Variants in EPHA6 observed in about 807,000 individuals in gnomAD.
EPHA6 encodes the protein ephrin type-A receptor 6.
A neutral mutation model predicts 112.0 loss-of-function variants in EPHA6; 50 were observed. The ratio of observed to expected loss-of-function variants is 0.45; its 90% CI spans 0.36 to 0.56. The LOEUF is 0.56. EPHA6 is among the 20% of genes least tolerant of loss of function. EPHA6 has a pLI of 0.00. For missense variants in EPHA6, 1,280 were observed against 1,417.4 expected (o/e 0.90, Z 1.56); for synonymous variants, 529 against 490.7 (o/e 1.08, Z -1.03).
At chr3:97,108,725 A>T in intron 3 of EPHA6, among the ~76,000 whole-genome samples, 1 of 152,162 alleles carries the variant, frequency 6.6e-6, no homozygotes, top group Non-Finnish European at 1.5e-5. Flanking sequence ...TGGACAAGGT[A>T]AACATTAACA....
At chr3:97,493,211 T>C (rs1303654811) in intron 10 of EPHA6, among the ~76,000 whole-genome samples, 2 of 152,120 alleles carry the variant, frequency 1.3e-5, no homozygotes, top group East Asian at 3.8e-4. Flanking sequence ...TGTATGTGTG[T>C]GTGTGTGTAT....
chr3:97,622,559 G>A (rs2093822653), intron 13 of EPHA6, among the ~76,000 whole-genome samples: 1 of 151,768 alleles, frequency 6.6e-6, no homozygotes, highest in African/African-American at 2.4e-5. Context: ...TGTGAGAATA[G>A]ATGCACTTTG....
At chr3:96,986,356 G>T (rs1305003001) in intron 2 of EPHA6, among the ~76,000 whole-genome samples, 1 of 152,110 alleles carries the variant, frequency 6.6e-6, no homozygotes, top group Non-Finnish European at 1.5e-5. Flanking sequence ...GGCTTAAAAT[G>T]CTTAATAAAG....
chr3:97,262,621 CTT>C (rs1165725458), intron 5 of EPHA6, among the ~76,000 whole-genome samples: 1 of 152,164 alleles, frequency 6.6e-6, no homozygotes, highest in Non-Finnish European at 1.5e-5. Flanking sequence ...TCTTTCAGGT[CTT>C]TGCTCAAAGT....
At chr3:97,377,878 GGAAAGAGAGCATAAAA>G (rs1418366921) in intron 5 of EPHA6, among the ~76,000 whole-genome samples, 8 of 151,966 alleles carry the variant, frequency 5.3e-5, no homozygotes, top group Non-Finnish European at 1.2e-4. Context: ...ACTTTAAAAG[GGAAAGAGAGCATAAAA>G]GTTTGGAAAA....
chr3:97,498,751 C>T (rs1280865831), intron 10 of EPHA6, among the ~76,000 whole-genome samples: 1 of 152,122 alleles, frequency 6.6e-6, no homozygotes, highest in Non-Finnish European at 1.5e-5. Context: ...AGAACAAACC[C>T]TATTGTGAAT....
chr3:97,155,063 G>A (rs946543414), intron 3 of EPHA6, among the ~76,000 whole-genome samples: 1 of 151,818 alleles, frequency 6.6e-6, no homozygotes, highest in Admixed American at 6.6e-5. Flanking sequence ...ATTATGTGGG[G>A]TTTTTTTGCA....
chr3:97,123,610 G>A (rs557900705), intron 3 of EPHA6, among the ~76,000 whole-genome samples: 1 of 152,222 alleles, frequency 6.6e-6, no homozygotes, highest in African/African-American at 2.4e-5. Context: ...TAAGTTAATA[G>A]AGAAAATAGT....
At chr3:97,492,745 T>A (rs779323329) in intron 10 of EPHA6, among the ~76,000 whole-genome samples, 1 of 151,784 alleles carries the variant, frequency 6.6e-6, no homozygotes, top group Non-Finnish European at 1.5e-5. Context: ...GATCACTGTA[T>A]ACTGGGAGAT....
intron 11 of EPHA6, chr3:97,559,609 C>T (rs907303349): frequency 2.2e-6 from 1 of 455,326 alleles, no homozygotes; most frequent in Non-Finnish European, 4.4e-6. Flanking sequence ...GAAATGATGA[C>T]ATATATCCTC....
In EPHA6 at chr3:97,094,973, T is replaced by C. The variant is rs114034318; in HGVS notation, c.1114+106980T>C. On this transcript the variant is annotated intron_variant, in intron 3 of 17. Coordinates refer to ENST00000389672, the MANE Select transcript of EPHA6 (RefSeq NM_001080448.3). ...ATCTTGAGTAAGGTAACCTATAATTTGGAAGTTTTAGTTTTCTTATCTTTA... is the reference window on the plus strand; with the variant it reads ...ATCTTGAGTAAGGTAACCTATAATTCGGAAGTTTTAGTTTTCTTATCTTTA... 9.5e-3 allele frequency among the ~76,000 whole-genome samples: 1,440 copies of C among 151,624 alleles called. 10 individuals carry two copies. The highest frequency in any genetic ancestry group is 0.014 in the Non-Finnish European group (961 of 67,982).
Position 96,814,884 on chromosome 3 carries a change from G to A in EPHA6, c.261G>A (p.Arg87=), listed in dbSNP as rs768379917. 9.6e-6 allele frequency: 15 copies of A among 1,555,554 alleles called. No homozygotes were observed. Among genetic ancestry groups the A allele is most frequent in the African/African-American group, 1.4e-5 (1 of 73,202 alleles). Residue 87 remains arginine, a synonymous_variant, in exon 1 of 18, where the codon AGG becomes AGA. Coordinates refer to ENST00000389672, the MANE Select transcript of EPHA6 (RefSeq NM_001080448.3). ...GCCGCCACTTCTCTTTAAGGGAGAG[G>A]AAAAGAGAGCCTAGGAGAACCATGG... ...LRCRHFSLRE[R]KREPRRTMGG...
chr3:97,069,628 A>G (rs1407245173), intron 3 of EPHA6, among the ~76,000 whole-genome samples: 1 of 152,140 alleles, frequency 6.6e-6, no homozygotes, highest in African/African-American at 2.4e-5. Context: ...GATTCACCCA[A>G]ACAGCATCTG....
intron 3 of EPHA6, among the ~76,000 whole-genome samples, chr3:97,023,023 G>A (rs1186114952): frequency 6.6e-6 from 1 of 152,048 alleles, no homozygotes; most frequent in Non-Finnish European, 1.5e-5. Flanking sequence ...TCTCTCTGTT[G>A]GTCATTGCTT....
intron 3 of EPHA6, among the ~76,000 whole-genome samples, chr3:97,125,245 C>G (rs528456253): frequency 8.5e-5 from 13 of 152,236 alleles, no homozygotes; most frequent in Admixed American, 5.9e-4. Flanking sequence ...AAGCATTAAC[C>G]TTTAGCTAAG....
At chr3:97,675,506 C>T (rs1440736289) in intron 14 of EPHA6, among the ~76,000 whole-genome samples, 1 of 151,900 alleles carries the variant, frequency 6.6e-6, no homozygotes, top group African/African-American at 2.4e-5. Flanking sequence ...TAAATAAAAA[C>T]CAAACAGAAA....
chr3:97,483,139 G>T (rs1171193392), intron 9 of EPHA6, among the ~76,000 whole-genome samples: 1 of 152,158 alleles, frequency 6.6e-6, no homozygotes, highest in African/African-American at 2.4e-5. Flanking sequence ...GGATATTCAT[G>T]GGCAGAGGCA....
intron 3 of EPHA6, among the ~76,000 whole-genome samples, chr3:96,997,215 T>A (rs1394247033): frequency 6.6e-6 from 1 of 152,102 alleles, no homozygotes; most frequent in Non-Finnish European, 1.5e-5. Context: ...TGCTTTGACC[T>A]TCTGTCCAGA....
At chr3:97,190,279 A>T (rs2077266870) in intron 3 of EPHA6, among the ~76,000 whole-genome samples, 1 of 152,074 alleles carries the variant, frequency 6.6e-6, no homozygotes, top group Admixed American at 6.6e-5. Flanking sequence ...AACTACCAAC[A>T]TATTTATGTT....
Sources: gnomAD v4.1 joint callset for allele counts (sites outside exome capture counted in the v4.1 genomes callset) on GRCh38, gnomAD v4.1.1 for gene constraint, MANE v1.5 for transcripts, NCBI Gene and HGNC (gene_info 2026-07-23, HGNC 2026-07-21) for gene names.